The following RAD23B variants were observed in gnomAD, a reference collection of about 807,000 sequenced individuals.
RAD23B encodes RAD23 nucleotide excision repair protein B.
In RAD23B, 5 loss-of-function variants were observed where a neutral mutation model predicts 49.1. The ratio of observed to expected loss-of-function variants is 0.10; its 90% CI spans 0.05 to 0.21. RAD23B has a LOEUF of 0.21. Among genes scored for constraint, RAD23B ranks in the 10% least tolerant of loss-of-function variants. The probability of loss-of-function intolerance (pLI) is 1.00; values close to 1 mark genes in which losing one functional copy is unlikely to be tolerated. For synonymous variants in RAD23B, 184 were observed against 165.4 expected (o/e 1.11, Z -0.86); for missense variants, 356 against 486.7 (o/e 0.73, Z 2.53).
At chr9:107,307,466 A>G (rs1390749783) in intron 4 of RAD23B, among the ~76,000 whole-genome samples, 1 of 152,210 alleles carries the variant, frequency 6.6e-6, no homozygotes, top group South Asian at 2.1e-4. Flanking sequence ...AGCATGAGTT[A>G]TATTATGACC....
Position 107,290,573 on chromosome 9 carries a change from CAAT to C in RAD23B, c.66+6880_66+6882del, listed in dbSNP as rs1833363408. Among the ~76,000 whole-genome samples the C allele has an allele frequency of 2.6e-5, 4 of 152,172 alleles. No homozygotes were observed. In the South Asian group the frequency reaches 8.3e-4, roughly 32 times the overall value. ...TGTACTTGTGCTTTGTCCTTAAGCA[CAAT>C]ACTTTTAAAAAAGTCTTTCTCCTCT... On this transcript the variant is annotated intron_variant, in intron 1 of 9. Transcript: ENST00000358015.
chr9:107,284,725 G>A, intron 1 of RAD23B: 1 of 1,128,044 alleles, frequency 8.9e-7, no homozygotes, highest in South Asian at 2.1e-5. Flanking sequence ...GCAGCTTTCT[G>A]CCCAACTCTA....
rs765992287 is a variant in RAD23B, at chr9:107,306,395, C to A, written c.245C>A (p.Thr82Lys). 1 of 1,614,084 alleles carries A rather than the reference C, an allele frequency of 6.2e-7. No individual in the cohort carries two copies. Among genetic ancestry groups the A allele is most frequent in the Non-Finnish European group, 8.5e-7 (1 of 1,179,978 alleles). Residue 82 changes from threonine to lysine, a missense_variant, in exon 4 of 10, where the codon ACA becomes AAA. Thr to Lys is a moderately conservative substitution (Grantham distance 78). Around this residue, in one of 5 missense-constraint regions of RAD23B, gnomAD observed 137 missense variants for 122.0 expected, o/e 1.12. Coordinates refer to ENST00000358015, the MANE Select transcript of RAD23B (RefSeq NM_002874.5). ...TGTGTTTAGCCCAAAGCAGTGTCCA[C>A]ACCAGCACCAGCTACAACTCAGCAG... ...VMVTKPKAVS[T>K]PAPATTQQSA...
At chr9:107,284,656 T>C (rs1291390981) in intron 1 of RAD23B, 1 of 1,032,932 alleles carries the variant, frequency 9.7e-7, no homozygotes, top group Non-Finnish European at 1.2e-6. Flanking sequence ...TGAGTGTAAA[T>C]TTACTGCTTA....
At chr9:107,290,946 G>C (rs1833372416) in intron 1 of RAD23B, among the ~76,000 whole-genome samples, 1 of 152,180 alleles carries the variant, frequency 6.6e-6, no homozygotes, top group African/African-American at 2.4e-5. Flanking sequence ...GTGGCACAGT[G>C]AATCGTACGA....
At chr9:107,314,053 C>T (rs1377511236) in intron 5 of RAD23B, among the ~76,000 whole-genome samples, 2 of 152,078 alleles carry the variant, frequency 1.3e-5, no homozygotes, top group South Asian at 2.1e-4. Flanking sequence ...TAGTTCAGGT[C>T]CTTATTTCAC....
chr9:107,283,800 G>A, intron 1 of RAD23B, 105 bp downstream of exon 1: 4 of 1,088,548 alleles, frequency 3.7e-6, no homozygotes, highest in Non-Finnish European at 3.6e-6. Context: ...GCCCCGGAGG[G>A]CGCGATGAGG....
In RAD23B at chr9:107,306,374, T is replaced by G. The variant is rs185036337; in HGVS notation, c.229-5T>G. The G allele has an allele frequency of 6.2e-6, 10 of 1,611,186 alleles. No homozygotes were observed. The African/African-American group carries it at 8.0e-5, about 13-fold the overall frequency. On this transcript the variant is annotated splice_polypyrimidine_tract_variant and splice_region_variant and intron_variant, in intron 3 of 9. Transcript: ENST00000358015. ...TGTAATTATTTTGTCTTTTAATGTG[T>G]TTAGCCCAAAGCAGTGTCCACACCA...
intron 6 of RAD23B, among the ~76,000 whole-genome samples, chr9:107,319,462 C>A (rs1827066431): frequency 6.6e-6 from 1 of 152,072 alleles, no homozygotes; most frequent in Admixed American, 6.6e-5. Flanking sequence ...GGGCCAAATT[C>A]TTTTGCTTAT....
At chr9:107,287,881 T>A (rs1406717044) in intron 1 of RAD23B, among the ~76,000 whole-genome samples, 1 of 151,870 alleles carries the variant, frequency 6.6e-6, no homozygotes. Flanking sequence ...ATTGCTTTAG[T>A]ACTTGCTCTG....
chr9:107,284,629 A>G, intron 1 of RAD23B: 1 of 790,726 alleles, frequency 1.3e-6, no homozygotes, highest in Non-Finnish European at 1.6e-6. Flanking sequence ...CTTTATGCCA[A>G]GAATCTAAAA....
intron 4 of RAD23B, 82 bp downstream of exon 4, chr9:107,306,729 G>C (rs780493891): frequency 7.0e-7 from 1 of 1,430,192 alleles, no homozygotes; most frequent in Non-Finnish European, 9.5e-7. Flanking sequence ...TTATTGTTTT[G>C]ATCAAACCGA....
At position 107,330,996 on chromosome 9, in the gene RAD23B, A is replaced by G. The variant is rs1248852956; in HGVS notation, c.*1340A>G. ...AAACGGGGCAGATGTCTACTTGTTCAGTTTTTCAAATCTGTTTTCCTGAGT... is the reference window on the plus strand; with the variant it reads ...AAACGGGGCAGATGTCTACTTGTTCGGTTTTTCAAATCTGTTTTCCTGAGT... On this transcript the variant is annotated 3_prime_UTR_variant, in exon 10 of 10. Transcript: ENST00000358015. The surrounding 1 kb of genome is among the most constrained non-coding windows in gnomAD (Gnocchi z 4.4). 6.6e-6 allele frequency: 1 copy of G among 152,578 alleles called. No homozygotes were observed. The highest frequency in any genetic ancestry group is 2.4e-5 in the African/African-American group (1 of 41,428). The allele number at this position is 152,578 out of a possible 1,614,324, so 9.5% of individuals were successfully genotyped here.
intron 3 of RAD23B, among the ~76,000 whole-genome samples, chr9:107,305,558 A>T (rs1826744810): frequency 6.6e-6 from 1 of 152,092 alleles, no homozygotes; most frequent in Non-Finnish European, 1.5e-5. Flanking sequence ...TTCAAGGGTC[A>T]ACTAATTGTT....
chr9:107,288,130 CTT>C (rs1833312263), intron 1 of RAD23B, among the ~76,000 whole-genome samples: 3 of 152,122 alleles, frequency 2.0e-5, no homozygotes, highest in South Asian at 4.1e-4. Flanking sequence ...TTTTGCCAGA[CTT>C]TTGCTGTTTT....
At position 107,326,182 on chromosome 9, in the gene RAD23B, T is replaced by G. The variant is rs545853827; in HGVS notation, c.1116+1178T>G. ...GTCATATTGGTCTGTAGTTTTTTTG[T>G]GATGTTTTTGTCTGAATTTGGTGTC... On this transcript the variant is annotated intron_variant, in intron 9 of 9. Coordinates refer to ENST00000358015, the MANE Select transcript of RAD23B (RefSeq NM_002874.5). Among the ~76,000 whole-genome samples, 154 of 152,250 alleles carry G rather than the reference T, an allele frequency of 1.0e-3. 1 individual carries two copies. Among genetic ancestry groups the G allele is most frequent in the African/African-American group, 3.5e-3 (144 of 41,532 alleles).
Position 107,329,669 on chromosome 9 carries a change from T to C in RAD23B, c.*13T>C. On this transcript the variant is annotated 3_prime_UTR_variant, in exon 10 of 10. Coordinates refer to ENST00000358015, the MANE Select transcript of RAD23B (RefSeq NM_002874.5). ...TGATGAAGATTGAAAGGGACTTTTT[T>C]ATATCTCACACTTCACACCAGTGCA... 1 of 1,548,162 alleles carries C rather than the reference T, an allele frequency of 6.5e-7. No homozygotes were observed. Among genetic ancestry groups the C allele is most frequent in the Non-Finnish European group, 8.9e-7 (1 of 1,120,674 alleles).
rs1464993598 is a variant in RAD23B, at chr9:107,331,112, CA to C, written c.*1457del. On this transcript the variant is annotated 3_prime_UTR_variant, in exon 10 of 10. Coordinates refer to ENST00000358015, the MANE Select transcript of RAD23B (RefSeq NM_002874.5). ...ATCTGATACTAAGAAGATGAATTTG[CA>C]CAGATTTCTCTGCATAATTTCTCAA... 2 of 152,288 alleles carry C rather than the reference CA, an allele frequency of 1.3e-5. No homozygotes were observed. Among genetic ancestry groups the C allele is most frequent in the Non-Finnish European group, 2.9e-5 (2 of 68,038 alleles). 9.4% of individuals were successfully genotyped at this position (152,288 alleles called of 1,614,324 possible).
rs144211039 is a variant in RAD23B, at chr9:107,308,997, C to T, written c.497+2350C>T. Among the ~76,000 whole-genome samples the T allele has an allele frequency of 1.5e-3, 231 of 152,300 alleles. 1 individual carries two copies. The highest frequency in any genetic ancestry group is 5.2e-3 in the African/African-American group (215 of 41,560). On this transcript the variant is annotated intron_variant, in intron 4 of 9. Coordinates refer to ENST00000358015, the MANE Select transcript of RAD23B (RefSeq NM_002874.5). Reference sequence around the variant, plus strand: ...CTTTTAAAAATTGTCTGTTACAGTGCAAATTCCACTTGATATCTACCTGAG... The same window carrying T: ...CTTTTAAAAATTGTCTGTTACAGTGTAAATTCCACTTGATATCTACCTGAG...
Sources: allele counts gnomAD v4.1 joint callset (sites outside exome capture counted in the v4.1 genomes callset), GRCh38; gene constraint gnomAD v4.1.1; regional missense constraint gnomAD v4.1.1; non-coding constraint Gnocchi (gnomAD v3.1); transcripts MANE v1.5; gene names NCBI Gene and HGNC (gene_info 2026-07-23, HGNC 2026-07-21).